BICD1: variants seen among roughly 807,000 people sequenced by gnomAD.
The protein encoded by BICD1 is BICD cargo adaptor 1.
A neutral mutation model predicts 92.5 loss-of-function variants in BICD1; 35 were observed. The ratio of observed to expected loss-of-function variants is 0.38; its 90% CI spans 0.29 to 0.50. The LOEUF (loss-of-function observed/expected upper bound fraction) is 0.50. Among genes scored for constraint, BICD1 ranks in the 20% least tolerant of loss-of-function variants. The probability of loss-of-function intolerance (pLI) is 0.93; values close to 1 mark genes in which losing one functional copy is unlikely to be tolerated. For synonymous variants in BICD1, 429 were observed against 465.1 expected (o/e 0.92, Z 1.00); for missense variants, 950 against 1,189.8 (o/e 0.80, Z 2.97).
intron 2 of BICD1, among the ~76,000 whole-genome samples, chr12:32,289,588 G>A (rs1451252618): frequency 1.3e-5 from 2 of 152,190 alleles, no homozygotes; most frequent in Non-Finnish European, 2.9e-5. Context: ...GTTTCACCAT[G>A]TTGGCCAGGA....
At chr12:32,260,488 G>A (rs981837415) in intron 2 of BICD1, among the ~76,000 whole-genome samples, 1 of 152,040 alleles carries the variant, frequency 6.6e-6, no homozygotes, top group Admixed American at 6.6e-5. Flanking sequence ...TGCTACCAAG[G>A]ACTCGCATGC....
At chr12:32,251,164 G>A (rs1292461839) in intron 2 of BICD1, among the ~76,000 whole-genome samples, 1 of 152,048 alleles carries the variant, frequency 6.6e-6, no homozygotes, top group East Asian at 1.9e-4. Flanking sequence ...AAAGGGAATT[G>A]TACTTCTTTA....
chr12:32,111,871 A>G (rs1941708214), intron 1 of BICD1, among the ~76,000 whole-genome samples: 1 of 152,162 alleles, frequency 6.6e-6, no homozygotes, highest in Admixed American at 6.5e-5. Context: ...TATCAAATTA[A>G]TCTTAAAATC....
chr12:32,107,622 T>A, intron 1 of BICD1, 78 bp downstream of exon 1: 1 of 1,435,356 alleles, frequency 7.0e-7, no homozygotes, highest in Non-Finnish European at 9.5e-7. Context: ...GATCAAGAAG[T>A]CATAAAGGAG....
At chr12:32,142,764 A>G (rs979186222) in intron 1 of BICD1, among the ~76,000 whole-genome samples, 1 of 152,110 alleles carries the variant, frequency 6.6e-6, no homozygotes, top group Non-Finnish European at 1.5e-5. Flanking sequence ...CTTTTCTTCA[A>G]TTGTTGACAG....
intron 8 of BICD1, among the ~76,000 whole-genome samples, chr12:32,355,370 C>T (rs1395147928): frequency 1.3e-5 from 2 of 152,116 alleles, no homozygotes; most frequent in African/African-American, 2.4e-5. Flanking sequence ...GTTTGCACCA[C>T]ATAAATTCCC....
intron 1 of BICD1, among the ~76,000 whole-genome samples, chr12:32,211,585 C>T (rs1371083263): frequency 6.6e-6 from 1 of 151,566 alleles, no homozygotes; most frequent in Non-Finnish European, 1.5e-5. Flanking sequence ...CTGTGTGCTG[C>T]GAAAAATACG....
chr12:32,190,023 G>A (rs1944522659), intron 1 of BICD1, among the ~76,000 whole-genome samples: 1 of 152,104 alleles, frequency 6.6e-6, no homozygotes, highest in African/African-American at 2.4e-5. Context: ...GTATGCAATT[G>A]AAGTTGAGTT....
At position 32,377,553 on chromosome 12, in the gene BICD1, C is replaced by T. The variant is rs1275627940; in HGVS notation, c.2854C>T (p.Leu952Phe). Reference protein sequence around the residue: ...DCPTVSPDTALPEEQPHSSSQ... With the variant: ...DCPTVSPDTAFPEEQPHSSSQ... ...TCTCCTTTCCAGTCCTGACACAGCT[C>T]TCCCTGAGGAGCAGCCACATTCCAG... Residue 952 changes from leucine (L) to phenylalanine (F), a missense_variant, in exon 10 of 10, where the codon CTC (leucine) becomes TTC (phenylalanine). Physicochemically the swap from Leu to Phe is conservative, Grantham distance 22. Coordinates refer to ENST00000652176, the MANE Select transcript of BICD1 (RefSeq NM_001714.4). 1 of 1,614,066 alleles carries T rather than the reference C, an allele frequency of 6.2e-7. No individual in the cohort carries two copies.
At chr12:32,250,597 T>C (rs1946499325) in intron 2 of BICD1, among the ~76,000 whole-genome samples, 1 of 152,218 alleles carries the variant, frequency 6.6e-6, no homozygotes, top group South Asian at 2.1e-4. Context: ...TTGCCTCTCA[T>C]TAGGTATCCA....
Position 32,116,502 on chromosome 12 carries a change from C to CTATATA in BICD1, c.213+8959_213+8960insATATAT, listed in dbSNP as rs1433983078. ...TCTCTCTCTCTCTCTTTCTCTCTCT[C>CTATATA]TCTCTCTCTATATATATATATATAT... On this transcript the variant is annotated intron_variant, in intron 1 of 9. Coordinates refer to ENST00000652176, the MANE Select transcript of BICD1 (RefSeq NM_001714.4). 1.1e-3 allele frequency among the ~76,000 whole-genome samples: 88 copies of CTATATA among 77,538 alleles called. 1 individual carries two copies. The Middle Eastern group carries it at 0.017, about 15-fold the overall frequency. 50.9% of individuals were successfully genotyped at this position (77,538 alleles called of 152,430 possible).
chr12:32,360,906 C>G (rs564787541), intron 8 of BICD1, among the ~76,000 whole-genome samples: 1 of 152,008 alleles, frequency 6.6e-6, no homozygotes, highest in East Asian at 1.9e-4. Context: ...TAGGAAGAGG[C>G]GAAATATTTC....
At chr12:32,314,484 G>T (rs1948451253) in intron 4 of BICD1, among the ~76,000 whole-genome samples, 1 of 152,030 alleles carries the variant, frequency 6.6e-6, no homozygotes, top group African/African-American at 2.4e-5. Context: ...GATGTGAAGT[G>T]GTATTTCATT....
chr12:32,322,007 A>AAAAT (rs759577863), intron 4 of BICD1, among the ~76,000 whole-genome samples: 39 of 152,216 alleles, frequency 2.6e-4, no homozygotes, highest in Non-Finnish European at 4.0e-4. Context: ...TCAAAAAAAT[A>AAAAT]AAATAAATAA....
intron 5 of BICD1, chr12:32,332,568 A>G: frequency 1.9e-6 from 1 of 527,180 alleles, no homozygotes; most frequent in Non-Finnish European, 2.4e-6. Context: ...CTTCCAGAAG[A>G]CTCAGCCTCC....
chr12:32,189,845 C>T (rs1329103779), intron 1 of BICD1, among the ~76,000 whole-genome samples: 8 of 151,766 alleles, frequency 5.3e-5, no homozygotes, highest in South Asian at 2.1e-4. Context: ...ACTACAGGCA[C>T]GCACCACCAT....
chr12:32,342,136 A>ATG (rs1938392210), intron 8 of BICD1, among the ~76,000 whole-genome samples: 1 of 139,774 alleles, frequency 7.2e-6, no homozygotes, highest in Admixed American at 7.3e-5. Flanking sequence ...GTATATATAT[A>ATG]TGTGTGTATA....
intron 1 of BICD1, among the ~76,000 whole-genome samples, chr12:32,178,760 G>A (rs1368139766): frequency 6.6e-6 from 1 of 151,964 alleles, no homozygotes; most frequent in Non-Finnish European, 1.5e-5. Context: ...GGTCTGAGCA[G>A]CCTCTAAATT....
intron 8 of BICD1, among the ~76,000 whole-genome samples, chr12:32,366,865 AAC>A (rs992801957): frequency 6.6e-6 from 1 of 152,230 alleles, no homozygotes. Flanking sequence ...AGTACCAGTA[AAC>A]AGACTGCTCT....
Sources: allele counts gnomAD v4.1 joint callset (sites outside exome capture counted in the v4.1 genomes callset), GRCh38; gene constraint gnomAD v4.1.1; transcripts MANE v1.5; gene names NCBI Gene and HGNC (gene_info 2026-07-23, HGNC 2026-07-21).